The following JARID2 variants were observed in gnomAD, a reference collection of about 807,000 sequenced individuals.
JARID2 encodes jumonji and AT-rich interaction domain containing 2.
Under a neutral mutation model 125.6 loss-of-function variants are expected in JARID2, and 21 were observed. The ratio of observed to expected loss-of-function variants is 0.17; its 90% CI spans 0.12 to 0.24. JARID2 has a LOEUF of 0.24. Among genes scored for constraint, JARID2 ranks in the 10% least tolerant of loss-of-function variants. The pLI is 1.00. For missense variants in JARID2, 1,303 were observed against 1,639.6 expected (o/e 0.79, Z 3.55); for synonymous variants, 736 against 661.6 (o/e 1.11, Z -1.73).
At chr6:15,455,192 CAA>C (rs36088738) in intron 4 of JARID2, among the ~76,000 whole-genome samples, 190 of 128,688 alleles carry the variant, frequency 1.5e-3, no homozygotes, top group Admixed American at 1.9e-3. Context: ...CACTTTGTCT[CAA>C]AAAAAAAAAA....
At position 15,508,418 on chromosome 6, in the gene JARID2, A is replaced by T. The variant is rs1771111357; in HGVS notation, c.2810A>T (p.Tyr937Phe). 6.2e-7 allele frequency: 1 copy of T among 1,606,862 alleles called. No individual in the cohort carries two copies. Among genetic ancestry groups the T allele is most frequent in the Non-Finnish European group, 8.5e-7 (1 of 1,173,332 alleles). ...CWSRDQNHLPYIDYLHTGADC... is the reference protein window; with the variant it reads ...CWSRDQNHLPFIDYLHTGADC... ...TCTCGAGACCAAAATCACCTTCCAT[A>T]CATTGACTACTTACACACTGGTGCT... Residue 937 changes from tyrosine to phenylalanine, a missense_variant, in exon 12 of 18, where the codon TAC (tyrosine) becomes TTC (phenylalanine). Coordinates refer to ENST00000341776, the MANE Select transcript of JARID2 (RefSeq NM_004973.4).
intron 3 of JARID2, among the ~76,000 whole-genome samples, chr6:15,418,216 CTTT>C (rs56801667): frequency 0.021 from 2,448 of 117,794 alleles, 50 homozygotes; most frequent in African/African-American, 0.06. Flanking sequence ...CTATATTCCT[CTTT>C]TTTTTTTTTT....
intron 4 of JARID2, among the ~76,000 whole-genome samples, chr6:15,457,331 G>A (rs745748046): frequency 1.5e-4 from 23 of 152,136 alleles, no homozygotes; most frequent in Non-Finnish European, 2.1e-4. Context: ...TTGGGAATGC[G>A]ATTAACCTTC....
intron 3 of JARID2, among the ~76,000 whole-genome samples, chr6:15,430,933 A>G (rs1300204149): frequency 6.6e-6 from 1 of 152,150 alleles, no homozygotes; most frequent in African/African-American, 2.4e-5. Context: ...GAACATAGTT[A>G]CAAATTTGTT....
intron 2 of JARID2, among the ~76,000 whole-genome samples, chr6:15,406,638 A>G (rs1001619616): frequency 1.3e-5 from 2 of 152,078 alleles, no homozygotes; most frequent in African/African-American, 4.8e-5. Flanking sequence ...CAGTACTTTG[A>G]TTTCTTTTTG....
chr6:15,430,208 G>T (rs995213164), intron 3 of JARID2, among the ~76,000 whole-genome samples: 3 of 152,080 alleles, frequency 2.0e-5, no homozygotes, highest in African/African-American at 7.2e-5. Context: ...CTAAGATTTT[G>T]TTTTTTCCTT....
intron 2 of JARID2, among the ~76,000 whole-genome samples, chr6:15,384,871 C>G (rs1011359994): frequency 1.3e-5 from 2 of 152,186 alleles, no homozygotes; most frequent in African/African-American, 4.8e-5. Context: ...CTTCACTAGT[C>G]CTTAGTGAAC....
At chr6:15,432,659 A>G (rs1767018778) in intron 3 of JARID2, among the ~76,000 whole-genome samples, 1 of 152,190 alleles carries the variant, frequency 6.6e-6, no homozygotes, top group African/African-American at 2.4e-5. Flanking sequence ...AAAGTTTGGA[A>G]TGTTACAAAG....
At chr6:15,455,469 TC>T (rs1387890579) in intron 4 of JARID2, among the ~76,000 whole-genome samples, 1 of 152,146 alleles carries the variant, frequency 6.6e-6, no homozygotes, top group Non-Finnish European at 1.5e-5. Flanking sequence ...TAGAACTTAT[TC>T]CTCCTATCTA....
At chr6:15,392,758 C>T (rs1386592922) in intron 2 of JARID2, among the ~76,000 whole-genome samples, 3 of 147,626 alleles carry the variant, frequency 2.0e-5, no homozygotes, top group African/African-American at 5.1e-5. Flanking sequence ...GGTCTTCGCT[C>T]ATTGTAACCT....
intron 1 of JARID2, among the ~76,000 whole-genome samples, chr6:15,313,287 TGA>T (rs1762075968): frequency 6.6e-6 from 1 of 152,218 alleles, no homozygotes; most frequent in Admixed American, 6.5e-5. Flanking sequence ...TGTGTGTGCC[TGA>T]GTATGTACAC....
At chr6:15,399,593 AAACAAGAGTTGGCCATTGTGGAGAGAAT>A (rs1416272750) in intron 2 of JARID2, among the ~76,000 whole-genome samples, 1 of 152,184 alleles carries the variant, frequency 6.6e-6, no homozygotes, top group Non-Finnish European at 1.5e-5. Flanking sequence ...ATTATTTAGG[AAACAAGAGTTGGCCATTGTGGAGAGAAT>A]ACCCGCTAGC....
At chr6:15,440,506 T>C (rs1027054757) in intron 3 of JARID2, among the ~76,000 whole-genome samples, 1 of 152,220 alleles carries the variant, frequency 6.6e-6, no homozygotes, top group Non-Finnish European at 1.5e-5. Flanking sequence ...TGGTACCATG[T>C]GCAGTGTTGA....
chr6:15,261,466 C>T (rs780398683), intron 1 of JARID2, among the ~76,000 whole-genome samples: 3 of 151,742 alleles, frequency 2.0e-5, no homozygotes, highest in African/African-American at 2.4e-5. Flanking sequence ...TACAGGCGTG[C>T]GCCACGACAC....
rs937944024 is a variant in JARID2, at chr6:15,513,117, G to A, written c.3266+72G>A. On this transcript the variant is annotated intron_variant, in intron 15 of 17. Transcript: ENST00000341776. Reference sequence around the variant, plus strand: ...CTTCGGGGGCTCACCCCCCGAGCAGGCCTCACTTCCTGACAGGAGGGTGTG... The same window carrying A: ...CTTCGGGGGCTCACCCCCCGAGCAGACCTCACTTCCTGACAGGAGGGTGTG... The A allele has an allele frequency of 7.5e-6, 12 of 1,604,256 alleles. No homozygotes were observed. In the African/African-American group the frequency reaches 1.5e-4, roughly 20 times the overall value.
At chr6:15,447,586 C>T (rs1269241820) in intron 3 of JARID2, among the ~76,000 whole-genome samples, 1 of 152,232 alleles carries the variant, frequency 6.6e-6, no homozygotes, top group African/African-American at 2.4e-5. Context: ...ACCCCGTGCT[C>T]TCTCCACCCC....
chr6:15,498,065 G>C (rs1253026559), intron 7 of JARID2, among the ~76,000 whole-genome samples: 1 of 152,234 alleles, frequency 6.6e-6, no homozygotes, highest in Non-Finnish European at 1.5e-5. Flanking sequence ...CATGTCCTGA[G>C]GTACTGGAGG....
rs146690879 is a variant in JARID2 at position 15,520,178 on chromosome 6, G to C, written c.3668G>C (p.Arg1223Thr). Reference protein sequence around the residue: ...KPTPKRGPRKRATVDVPPSRL... With the variant: ...KPTPKRGPRKTATVDVPPSRL... Reference sequence around the variant, plus strand: ...ACACCAAAAAGAGGTCCCCGCAAGAGAGCGACAGTGGACGTGCCCCCCTCC... The same window carrying C: ...ACACCAAAAAGAGGTCCCCGCAAGACAGCGACAGTGGACGTGCCCCCCTCC... Residue 1223 changes from arginine to threonine, a missense_variant, in exon 18 of 18, where the codon AGA becomes ACA. By Grantham distance (71) the Arg-to-Thr change is moderately conservative. Around this residue, in one of 11 missense-constraint regions of JARID2, gnomAD observed 75 missense variants for 66.0 expected, o/e 1.14. Coordinates refer to ENST00000341776, the MANE Select transcript of JARID2 (RefSeq NM_004973.4). 2.1e-3 allele frequency: 3,318 copies of C among 1,614,016 alleles called. 8 individuals are homozygous for C. The highest frequency in any genetic ancestry group is 2.3e-3 in the Non-Finnish European group (2,666 of 1,179,954).
intron 2 of JARID2, among the ~76,000 whole-genome samples, chr6:15,397,999 A>G (rs532696290): frequency 4.8e-4 from 73 of 152,350 alleles, no homozygotes; most frequent in African/African-American, 1.7e-3. Context: ...GGCAAGCGAT[A>G]TAATAAGCAA....
Sources: allele counts gnomAD v4.1 joint callset (sites outside exome capture counted in the v4.1 genomes callset), GRCh38; gene constraint gnomAD v4.1.1; regional missense constraint gnomAD v4.1.1; transcripts MANE v1.5; gene names NCBI Gene and HGNC (gene_info 2026-07-23, HGNC 2026-07-21).